The following PXDNL variants were observed in gnomAD, a reference collection of about 807,000 sequenced individuals.
PXDNL encodes probable oxidoreductase PXDNL.
In PXDNL, 145 loss-of-function variants were observed where a neutral mutation model predicts 150.8. The ratio of observed to expected loss-of-function variants is 0.96; its 90% CI spans 0.84 to 1.10. PXDNL has a LOEUF of 1.10. Among genes scored for constraint, PXDNL ranks in the 50% least tolerant of loss-of-function variants. The pLI is 0.00. For missense variants in PXDNL, 2,087 were observed against 1,873.9 expected (o/e 1.11, Z -2.10); for synonymous variants, 757 against 725.7 (o/e 1.04, Z -0.69).
intron 1 of PXDNL, among the ~76,000 whole-genome samples, chr8:51,766,380 G>A (rs1563314733): frequency 6.6e-6 from 1 of 152,160 alleles, no homozygotes; most frequent in East Asian, 1.9e-4. Context: ...GAAGAAACAA[G>A]TTACTAGCAA....
At chr8:51,511,739 C>G (rs935634485) in intron 4 of PXDNL, among the ~76,000 whole-genome samples, 2 of 152,276 alleles carry the variant, frequency 1.3e-5, no homozygotes, top group East Asian at 3.9e-4. Flanking sequence ...TGCACTCCCC[C>G]CTTTCTAGGG....
chr8:51,409,146 G>T lies in PXDNL; in HGVS notation c.2478C>A (p.Phe826Leu), dbSNP rs1808542559. ...HTVPALSTAR[F>L]SDGRPCSSVC... Reference sequence around the variant, plus strand: ...CGGAGCTGCACGGCCGCCCATCCGAGAAGCGGGCTGTGCTCAGCGCAGGCA... The same window carrying T: ...CGGAGCTGCACGGCCGCCCATCCGATAAGCGGGCTGTGCTCAGCGCAGGCA... The change falls in exon 17 of 23, where the codon TTC becomes TTA. Residue 826 changes from phenylalanine (F) to leucine (L), a missense_variant. Physicochemically the swap from Phe to Leu is conservative, Grantham distance 22. Transcript: ENST00000356297. The T allele has an allele frequency of 6.2e-7, 1 of 1,603,560 alleles. No homozygotes were observed. The highest frequency in any genetic ancestry group is 2.2e-5 in the East Asian group (1 of 44,688).
At chr8:51,578,183 T>C (rs990122149) in intron 3 of PXDNL, among the ~76,000 whole-genome samples, 1 of 151,574 alleles carries the variant, frequency 6.6e-6, no homozygotes, top group Non-Finnish European at 1.5e-5. Context: ...AGAAAGAAAA[T>C]ATATTCCTGT....
chr8:51,558,881 G>A (rs941201032), intron 3 of PXDNL, among the ~76,000 whole-genome samples: 1 of 152,066 alleles, frequency 6.6e-6, no homozygotes, highest in African/African-American at 2.4e-5. Flanking sequence ...AGAGTTTGCA[G>A]CAGAGAAAGA....
In PXDNL at chr8:51,631,178, G is replaced by A. The variant is rs144872613; in HGVS notation, c.236+23511C>T. On this transcript the variant is annotated intron_variant, in intron 2 of 22. Transcript: ENST00000356297. ...CATTATCCTTAGTAAACTAATGCAG[G>A]AACAGAAAACCAAATACCACATGTT... Among the ~76,000 whole-genome samples, 918 of 152,138 alleles carry A rather than the reference G, an allele frequency of 6.0e-3. 2 individuals are homozygous for A. Among genetic ancestry groups the A allele is most frequent in the Middle Eastern group, 0.017 (5 of 294 alleles).
At chr8:51,377,277 T>C (rs1165579373) in intron 17 of PXDNL, among the ~76,000 whole-genome samples, 1 of 152,110 alleles carries the variant, frequency 6.6e-6, no homozygotes, top group African/African-American at 2.4e-5. Flanking sequence ...TTTTTTCTTT[T>C]TAAGAGACAG....
intron 17 of PXDNL, among the ~76,000 whole-genome samples, chr8:51,398,420 A>T (rs145684869): frequency 3.9e-4 from 60 of 152,348 alleles, no homozygotes; most frequent in African/African-American, 1.4e-3. Context: ...TGCATGAGGT[A>T]TACACAGGGC....
At chr8:51,374,979 C>T (rs1254886809) in intron 17 of PXDNL, among the ~76,000 whole-genome samples, 1 of 152,100 alleles carries the variant, frequency 6.6e-6, no homozygotes, top group African/African-American at 2.4e-5. Context: ...GCAATGTCCC[C>T]TGTGCAATTC....
At chr8:51,685,754 C>T (rs1815860130) in intron 1 of PXDNL, among the ~76,000 whole-genome samples, 1 of 152,196 alleles carries the variant, frequency 6.6e-6, no homozygotes, top group Admixed American at 6.5e-5. Flanking sequence ...TATTCATACA[C>T]ACTAATGAAC....
chr8:51,403,890 T>C (rs1297483561), intron 17 of PXDNL, among the ~76,000 whole-genome samples: 5 of 152,288 alleles, frequency 3.3e-5, no homozygotes, highest in African/African-American at 1.2e-4. Context: ...GTGTTACAGG[T>C]CTTAAAGGTG....
At chr8:51,393,763 A>G (rs1005318495) in intron 17 of PXDNL, among the ~76,000 whole-genome samples, 5 of 152,200 alleles carry the variant, frequency 3.3e-5, no homozygotes, top group African/African-American at 1.2e-4. Flanking sequence ...GGAGAGTGAA[A>G]AGAAGGGGCC....
intron 2 of PXDNL, among the ~76,000 whole-genome samples, chr8:51,597,848 G>T (rs995814446): frequency 4.6e-5 from 7 of 151,924 alleles, no homozygotes; most frequent in African/African-American, 1.7e-4. Flanking sequence ...CCGAGTAGCT[G>T]GGATTACAGG....
chr8:51,569,989 C>T (rs576591112), intron 3 of PXDNL, among the ~76,000 whole-genome samples: 53 of 152,014 alleles, frequency 3.5e-4, no homozygotes, highest in Middle Eastern at 3.4e-3. Context: ...GGGATCACTG[C>T]GAAGCTGCAG....
chr8:51,528,877 C>A (rs896425434), intron 4 of PXDNL, among the ~76,000 whole-genome samples: 4 of 152,176 alleles, frequency 2.6e-5, no homozygotes, highest in Non-Finnish European at 4.4e-5. Context: ...AGCGAATTAT[C>A]CCCTAAAGCA....
chr8:51,531,688 C>G (rs1302227211), intron 4 of PXDNL, among the ~76,000 whole-genome samples: 1 of 152,040 alleles, frequency 6.6e-6, no homozygotes. Context: ...GATCTATGGG[C>G]AAGAAGGAGC....
intron 3 of PXDNL, among the ~76,000 whole-genome samples, chr8:51,581,163 G>T (rs1813203020): frequency 6.6e-6 from 1 of 152,076 alleles, no homozygotes; most frequent in African/African-American, 2.4e-5. Flanking sequence ...GATCATTCTG[G>T]TTAGGGTAAC....
At position 51,556,874 on chromosome 8, in the gene PXDNL, G is replaced by A; in HGVS notation, c.346C>T (p.Gln116Ter). 1 of 1,584,494 alleles carries A rather than the reference G, an allele frequency of 6.3e-7. No homozygotes were observed. The highest frequency in any genetic ancestry group is 8.7e-7 in the Non-Finnish European group (1 of 1,154,010). The change falls in exon 4 of 23, where the codon CAA becomes TAA. Residue 116 changes from glutamine (Q) to a stop codon, truncating the protein, a stop_gained. Transcript: ENST00000356297. LOFTEE classifies it high-confidence loss of function. ...AAAGATATGAGTCCTTTAAATGTTT[G>A]CTTATCTAGTGCATGGATTTCATTC... The part of the protein sequence containing the change: ...YKNEIHALDK[Q>*]TFKGLISLEH...
chr8:51,608,042 A>AAGCAAGC (rs1813890901), intron 2 of PXDNL, among the ~76,000 whole-genome samples: 1 of 132,964 alleles, frequency 7.5e-6, no homozygotes, highest in Non-Finnish European at 1.6e-5. Flanking sequence ...AGAAAGAAAG[A>AAGCAAGC]AAGAAAGAAA....
chr8:51,654,065 T>C lies in PXDNL; in HGVS notation c.236+624A>G, dbSNP rs148244538. On this transcript the variant is annotated intron_variant, in intron 2 of 22. Transcript: ENST00000356297. ...CAATGTCAGACCATCAGTTGTATCATAGCAGGGGCATGTGCATTCGGATCC... is the reference window on the plus strand; with the variant it reads ...CAATGTCAGACCATCAGTTGTATCACAGCAGGGGCATGTGCATTCGGATCC... Among the ~76,000 whole-genome samples, 145 of 152,332 alleles carry C rather than the reference T, an allele frequency of 9.5e-4. 2 individuals carry two copies. Among genetic ancestry groups the C allele is most frequent in the Admixed American group, 5.4e-3 (82 of 15,302 alleles).
Sources: gnomAD v4.1 joint callset for allele counts (sites outside exome capture counted in the v4.1 genomes callset) on GRCh38, gnomAD v4.1.1 for gene constraint, MANE v1.5 for transcripts, NCBI Gene and HGNC (gene_info 2026-07-23, HGNC 2026-07-21) for gene names.